Variants in DNAJC8 observed in about 807,000 individuals in gnomAD.
DNAJC8 encodes the protein DnaJ heat shock protein family (Hsp40) member C8, also known as dnaJ homolog subfamily C member 8.
In DNAJC8, 24 loss-of-function variants were observed where a neutral mutation model predicts 43.2. The observed-to-expected ratio is 0.56, with a 90% CI of 0.40 to 0.78. The LOEUF is 0.78. Ranked by LOEUF, DNAJC8 falls within the 30% of genes least tolerant of loss-of-function variation. The pLI, the probability that DNAJC8 is intolerant of heterozygous loss-of-function variation, is 0.00. For synonymous variants in DNAJC8, 83 were observed against 98.0 expected (o/e 0.85, Z 0.90); for missense variants, 207 against 299.4 (o/e 0.69, Z 2.28).
intron 6 of DNAJC8, among the ~76,000 whole-genome samples, chr1:28,207,724 G>A (rs1424735412): frequency 1.3e-5 from 2 of 150,188 alleles, no homozygotes; most frequent in Non-Finnish European, 3.0e-5. Context: ...TTACAGGCGT[G>A]AGCCACTGCG....
At chr1:28,232,806 C>T (rs759100471) in intron 1 of DNAJC8, 115 bp downstream of exon 1, 2 of 1,125,674 alleles carry the variant, frequency 1.8e-6, no homozygotes, top group Non-Finnish European at 2.6e-6. Context: ...ACCCCGAAGA[C>T]TGGACTGAAG....
intron 2 of DNAJC8, among the ~76,000 whole-genome samples, chr1:28,222,947 G>A (rs1429084273): frequency 6.6e-6 from 1 of 152,090 alleles, no homozygotes; most frequent in African/African-American, 2.4e-5. Context: ...GAGGGATGAG[G>A]AAAGCATCCG....
At chr1:28,217,020 C>T (rs1377104521) in intron 2 of DNAJC8, among the ~76,000 whole-genome samples, 8 of 152,000 alleles carry the variant, frequency 5.3e-5, no homozygotes, top group African/African-American at 1.9e-4. Flanking sequence ...GTTAGTCAGG[C>T]TGGTCTTGAA....
At chr1:28,202,588 CT>C (rs369024181) in intron 8 of DNAJC8, among the ~76,000 whole-genome samples, 34,052 of 89,386 alleles carry the variant, frequency 0.38, 5,262 homozygotes, top group African/African-American at 0.5. Context: ...CTTTTTTTTT[CT>C]TTTTTTTTTT....
At chr1:28,228,898 C>T (rs746861178) in intron 2 of DNAJC8, 24 bp downstream of exon 2, 6 of 1,595,298 alleles carry the variant, frequency 3.8e-6, no homozygotes, top group East Asian at 2.2e-5. Flanking sequence ...ATTACAGAGG[C>T]CCTAGCAACA....
chr1:28,230,636 GTTTGTT>G (rs1646967544), intron 1 of DNAJC8, among the ~76,000 whole-genome samples: 1 of 152,044 alleles, frequency 6.6e-6, no homozygotes, highest in South Asian at 2.1e-4. Flanking sequence ...TTGGTTTTTT[GTTTGTT>G]TTTGTTTTTT....
intron 7 of DNAJC8, among the ~76,000 whole-genome samples, chr1:28,205,025 A>C (rs1041759115): frequency 1.3e-5 from 2 of 152,220 alleles, no homozygotes; most frequent in Admixed American, 6.5e-5. Context: ...GTGTCTCAAA[A>C]AAATAAATAA....
At chr1:28,228,262 T>C (rs914478161) in intron 2 of DNAJC8, among the ~76,000 whole-genome samples, 3 of 150,506 alleles carry the variant, frequency 2.0e-5, no homozygotes, top group African/African-American at 7.4e-5. Flanking sequence ...GGCAGGAGAA[T>C]TGCTTGAACC....
intron 1 of DNAJC8, among the ~76,000 whole-genome samples, chr1:28,232,079 T>C (rs1646980074): frequency 6.6e-6 from 1 of 151,746 alleles, no homozygotes. Flanking sequence ...CTATCCTTTT[T>C]TTCCTTCTTT....
intron 6 of DNAJC8, among the ~76,000 whole-genome samples, chr1:28,207,810 C>G (rs1450363815): frequency 1.3e-5 from 2 of 151,672 alleles, no homozygotes; most frequent in Admixed American, 6.6e-5. Flanking sequence ...AATCCCAACA[C>G]TTTGGGAGGC....
In DNAJC8 at chr1:28,201,234, G is replaced by A. The variant is rs1398863454; in HGVS notation, c.*14C>T. 5 of 1,611,728 alleles carry A rather than the reference G, an allele frequency of 3.1e-6. No homozygotes were observed. In the South Asian group the frequency reaches 4.4e-5, roughly 14 times the overall value. On this transcript the variant is annotated 3_prime_UTR_variant, in exon 9 of 9. Coordinates refer to ENST00000263697, the MANE Select transcript of DNAJC8 (RefSeq NM_014280.3). ...ATAGCAGGGGAAAGGTTCTGTGCCTGTGACCTTGGGCGGTCACTCACGTTG... is the reference window on the plus strand; with the variant it reads ...ATAGCAGGGGAAAGGTTCTGTGCCTATGACCTTGGGCGGTCACTCACGTTG...
intron 2 of DNAJC8, among the ~76,000 whole-genome samples, chr1:28,223,669 G>A (rs1646914028): frequency 6.9e-6 from 1 of 145,396 alleles, no homozygotes; most frequent in African/African-American, 2.6e-5. Flanking sequence ...TTGAGGCCAA[G>A]AGTTTGTGAT....
At chr1:28,209,890 C>G (rs1646798955) in intron 5 of DNAJC8, 82 bp downstream of exon 5, 6 of 1,247,650 alleles carry the variant, frequency 4.8e-6, no homozygotes, top group Non-Finnish European at 5.8e-6. Flanking sequence ...GTAGGCATTA[C>G]TATGTTCATA....
chr1:28,221,167 G>A (rs1008611109), intron 2 of DNAJC8, among the ~76,000 whole-genome samples: 26 of 151,888 alleles, frequency 1.7e-4, no homozygotes, highest in African/African-American at 2.4e-4. Flanking sequence ...GTGAAACCCC[G>A]TCTCTATGAA....
chr1:28,203,593 G>A (rs1046414349), intron 8 of DNAJC8, among the ~76,000 whole-genome samples, 154 bp downstream of exon 8: 14 of 152,118 alleles, frequency 9.2e-5, no homozygotes, highest in Non-Finnish European at 1.6e-4. Context: ...GAGCTTACAG[G>A]AGGCTGAGGC....
At chr1:28,219,138 T>C (rs1340944149) in intron 2 of DNAJC8, among the ~76,000 whole-genome samples, 3 of 152,166 alleles carry the variant, frequency 2.0e-5, no homozygotes, top group African/African-American at 7.2e-5. Flanking sequence ...CTGTGTGTAT[T>C]TGGGGATTAC....
At chr1:28,211,441 T>G (rs994139406) in intron 3 of DNAJC8, among the ~76,000 whole-genome samples, 3 of 152,224 alleles carry the variant, frequency 2.0e-5, no homozygotes, top group South Asian at 2.1e-4. Flanking sequence ...TGAAAAAATC[T>G]GAAATCTGAA....
intron 8 of DNAJC8, among the ~76,000 whole-genome samples, chr1:28,201,616 C>G (rs548190150): frequency 2.8e-4 from 42 of 152,128 alleles, no homozygotes; most frequent in African/African-American, 9.6e-4. Context: ...TGGTGAAACC[C>G]TGTGTCTAAT....
chr1:28,212,679 T>C (rs1269763595), intron 3 of DNAJC8, among the ~76,000 whole-genome samples: 1 of 152,070 alleles, frequency 6.6e-6, no homozygotes, highest in Non-Finnish European at 1.5e-5. Flanking sequence ...CCATGACATA[T>C]TGTCAATTGA....
Sources: allele counts gnomAD v4.1 joint callset (sites outside exome capture counted in the v4.1 genomes callset), GRCh38; gene constraint gnomAD v4.1.1; transcripts MANE v1.5; gene names NCBI Gene and HGNC (gene_info 2026-07-23, HGNC 2026-07-21).